The following GAN variants were observed in gnomAD, a reference collection of about 807,000 sequenced individuals.
GAN encodes the protein gigaxonin, also known as epididymis secretory sperm binding protein.
In GAN, 48 loss-of-function variants were observed where a neutral mutation model predicts 71.3. The observed-to-expected ratio is 0.67, with a 90% CI of 0.53 to 0.86. The LOEUF is 0.86. Among genes scored for constraint, GAN ranks in the 40% least tolerant of loss-of-function variants. The probability of loss-of-function intolerance (pLI) is 0.00; values close to 1 mark genes in which losing one functional copy is unlikely to be tolerated. For missense variants in GAN, 928 were observed against 770.1 expected, an observed-to-expected ratio of 1.21 and a Z score of -2.43; for synonymous variants, 386 against 276.8, an observed-to-expected ratio of 1.39 and a Z score of -3.92.
At chr16:81,340,987 A>G (rs191461406) in intron 1 of GAN, among the ~76,000 whole-genome samples, 6 of 152,128 alleles carry the variant, frequency 3.9e-5, no homozygotes, top group African/African-American at 1.4e-4. Flanking sequence ...TGAGAACTTC[A>G]TGAAGTATAC....
At chr16:81,320,838 A>G (rs1909200059) in intron 1 of GAN, among the ~76,000 whole-genome samples, 1 of 152,120 alleles carries the variant, frequency 6.6e-6, no homozygotes, top group African/African-American at 2.4e-5. Flanking sequence ...AGGCGTTCCT[A>G]ACAACTGCTC....
chr16:81,352,049 A>T (rs547232150), intron 2 of GAN, among the ~76,000 whole-genome samples: 6 of 152,292 alleles, frequency 3.9e-5, no homozygotes, highest in African/African-American at 1.4e-4. Flanking sequence ...TTGTATCCAT[A>T]TGACTGGGGA....
chr16:81,317,465 T>G (rs1270522301), intron 1 of GAN, among the ~76,000 whole-genome samples: 3 of 152,254 alleles, frequency 2.0e-5, no homozygotes, highest in Non-Finnish European at 4.4e-5. Context: ...GTCTTCTCAT[T>G]TAATCACACC....
chr16:81,321,120 A>G (rs924192120), intron 1 of GAN, among the ~76,000 whole-genome samples: 4 of 152,228 alleles, frequency 2.6e-5, no homozygotes, highest in Non-Finnish European at 5.9e-5. Context: ...TTTATTTTAT[A>G]TAACACAGTG....
chr16:81,373,542 G>C (rs545209630), intron 9 of GAN, among the ~76,000 whole-genome samples: 3 of 152,168 alleles, frequency 2.0e-5, no homozygotes, highest in Non-Finnish European at 4.4e-5. Flanking sequence ...GCTTCTCCTA[G>C]TGTTAACATC....
chr16:81,374,858 C>G lies in GAN; in HGVS notation c.1503-2361C>G, dbSNP rs117503061. Among the ~76,000 whole-genome samples the G allele has an allele frequency of 4.0e-3, 603 of 152,326 alleles. 3 individuals are homozygous for G. The highest frequency in any genetic ancestry group is 6.0e-3 in the Non-Finnish European group (410 of 68,038). On this transcript the variant is annotated intron_variant, in intron 9 of 10. Coordinates refer to ENST00000648994, the MANE Select transcript of GAN (RefSeq NM_022041.4). ...TTGATTTTCAACAGAGGTGCCAAGG[C>G]AATTTAGTGGGGGAAAGAAAAGCCT...
intron 4 of GAN, 71 bp downstream of exon 4, chr16:81,357,073 A>G (rs879208461): frequency 5.2e-6 from 5 of 954,108 alleles, no homozygotes; most frequent in South Asian, 2.6e-5. Context: ...ACAAGAATTC[A>G]TAATGCTTTT....
intron 9 of GAN, 77 bp from the exon 10 acceptor site, chr16:81,377,142 C>A (rs1343186645): frequency 3.3e-6 from 3 of 899,890 alleles, no homozygotes; most frequent in African/African-American, 1.6e-5. Flanking sequence ...ACTCACCAAG[C>A]TTGCTGTGTC....
intron 1 of GAN, among the ~76,000 whole-genome samples, chr16:81,348,800 T>C (rs927930250): frequency 6.6e-6 from 1 of 152,232 alleles, no homozygotes; most frequent in East Asian, 1.9e-4. Flanking sequence ...CAGATTGATG[T>C]CTGTGCCCTT....
chr16:81,343,392 A>C (rs1910011874), intron 1 of GAN, among the ~76,000 whole-genome samples: 1 of 152,254 alleles, frequency 6.6e-6, no homozygotes, highest in Non-Finnish European at 1.5e-5. Flanking sequence ...AGCCGAATCC[A>C]GCAGCACATC....
intron 9 of GAN, among the ~76,000 whole-genome samples, chr16:81,374,695 G>A (rs1278955528): frequency 3.3e-5 from 5 of 152,138 alleles, no homozygotes; most frequent in Admixed American, 3.3e-4. Flanking sequence ...CGTGTCCTTT[G>A]ACACACCCCC....
At chr16:81,342,890 T>G (rs1181532053) in intron 1 of GAN, among the ~76,000 whole-genome samples, 1 of 151,594 alleles carries the variant, frequency 6.6e-6, no homozygotes, top group Non-Finnish European at 1.5e-5. Context: ...GCAAGACTAA[T>G]AAAGAAGAAA....
intron 9 of GAN, among the ~76,000 whole-genome samples, chr16:81,370,495 G>A (rs1911004310): frequency 6.6e-6 from 1 of 152,246 alleles, no homozygotes; most frequent in African/African-American, 2.4e-5. Flanking sequence ...AATGTAGGAA[G>A]CACAGCTGCT....
chr16:81,322,974 G>C (rs1326668004), intron 1 of GAN, among the ~76,000 whole-genome samples: 1 of 152,162 alleles, frequency 6.6e-6, no homozygotes, highest in African/African-American at 2.4e-5. Context: ...GAAGGACAAT[G>C]AAAATCCTTA....
At position 81,384,717 on chromosome 16, in the gene GAN, A is replaced by T. The variant is rs907054562; in HGVS notation, c.*7121A>T. The stretch of plus-strand genomic sequence containing the variant: ...TGGCAGAACTATATAGAGTTGGATG[A>T]TACTGAAAATCATGAATGATGTGAT... On this transcript the variant is annotated 3_prime_UTR_variant, in exon 11 of 11. Transcript: ENST00000648994. The T allele has an allele frequency of 6.6e-6, 1 of 152,330 alleles. No homozygotes were observed. Among genetic ancestry groups the T allele is most frequent in the South Asian group, 2.1e-4 (1 of 4,830 alleles). 9.4% of individuals were successfully genotyped at this position (152,330 alleles called of 1,614,324 possible).
intron 9 of GAN, among the ~76,000 whole-genome samples, chr16:81,370,832 TTTAC>T (rs1206396386): frequency 6.6e-6 from 1 of 152,256 alleles, no homozygotes; most frequent in Non-Finnish European, 1.5e-5. Context: ...CTTCCATCCT[TTTAC>T]TTACTTTGGG....
At chr16:81,349,536 T>TG (rs1462046023) in intron 1 of GAN, among the ~76,000 whole-genome samples, 3 of 151,890 alleles carry the variant, frequency 2.0e-5, no homozygotes, top group Non-Finnish European at 2.9e-5. Context: ...TCCGGCTACT[T>TG]GGGGGGCTGA....
rs1343111397 is a variant in GAN, at chr16:81,363,796, A to T, written c.1089A>T (p.Ala363=). The part of the protein sequence containing the change: ...TWTALPPMNE[A]RHNFGIVEID... Reference sequence around the variant, plus strand: ...AGGGATCGCTAATGTAATTTCAGGCAAGACATAACTTCGGAATTGTGGAGA... The same window carrying T: ...AGGGATCGCTAATGTAATTTCAGGCTAGACATAACTTCGGAATTGTGGAGA... Residue 363 remains alanine (A), a splice_region_variant and synonymous_variant, in exon 7 of 11, where the codon GCA becomes GCT. Transcript: ENST00000648994. 9.9e-6 allele frequency: 16 copies of T among 1,613,716 alleles called. No homozygotes were observed. The highest frequency in any genetic ancestry group is 1.3e-5 in the Non-Finnish European group (15 of 1,179,614).
intron 9 of GAN, among the ~76,000 whole-genome samples, chr16:81,369,134 T>G (rs1460555283): frequency 6.6e-6 from 1 of 152,244 alleles, no homozygotes; most frequent in Non-Finnish European, 1.5e-5. Context: ...TTAACTGTTC[T>G]TTGAAGTTGA....
Sources: gnomAD v4.1 joint callset for allele counts (sites outside exome capture counted in the v4.1 genomes callset) on GRCh38, gnomAD v4.1.1 for gene constraint, MANE v1.5 for transcripts, NCBI Gene and HGNC (gene_info 2026-07-23, HGNC 2026-07-21) for gene names.